KCNMA1: variants seen among roughly 807,000 people sequenced by gnomAD.
KCNMA1 encodes the protein potassium calcium-activated channel subfamily M alpha 1, also known as Calcium-activated potassium channel subunit alpha-1.
KCNMA1 carries 29 observed loss-of-function variants against 140.0 expected under a neutral mutation model. The observed-to-expected ratio is 0.21, with a 90% confidence interval of 0.15 to 0.28. KCNMA1 has a LOEUF of 0.28. Ranked by LOEUF, KCNMA1 falls within the 10% of genes least tolerant of loss-of-function variation. The probability of loss-of-function intolerance (pLI) is 1.00; values close to 1 mark genes in which losing one functional copy is unlikely to be tolerated. For missense variants in KCNMA1, 880 were observed against 1,602.2 expected, an observed-to-expected ratio of 0.55 and a Z score of 7.70; for synonymous variants, 612 against 611.9, an observed-to-expected ratio of 1.00 and a Z score of 0.00.
chr10:77,390,667 G>A (rs1243934242), intron 2 of KCNMA1, among the ~76,000 whole-genome samples: 2 of 152,164 alleles, frequency 1.3e-5, no homozygotes, highest in African/African-American at 4.8e-5. Flanking sequence ...TCCAACCAAG[G>A]CAGACACAAC....
At chr10:77,454,306 GC>G (rs1234953505) in intron 1 of KCNMA1, among the ~76,000 whole-genome samples, 1 of 152,080 alleles carries the variant, frequency 6.6e-6, no homozygotes, top group Non-Finnish European at 1.5e-5. Context: ...ATTTCAAAGT[GC>G]CTCTCTAGCT....
chr10:77,022,930 C>A (rs750841377), intron 16 of KCNMA1: 2 of 454,936 alleles, frequency 4.4e-6, no homozygotes, highest in African/African-American at 4.0e-5. Flanking sequence ...ATGTAAACAG[C>A]CTGCCACTTG....
intron 1 of KCNMA1, among the ~76,000 whole-genome samples, chr10:77,475,446 G>C (rs1397035934): frequency 1.3e-5 from 2 of 152,156 alleles, no homozygotes; most frequent in African/African-American, 4.8e-5. Flanking sequence ...ATCGTAACTT[G>C]CATCTCCCAA....
intron 2 of KCNMA1, among the ~76,000 whole-genome samples, chr10:77,364,709 G>T (rs2154403905): frequency 6.6e-6 from 1 of 152,232 alleles, no homozygotes; most frequent in East Asian, 1.9e-4. Flanking sequence ...AACCTGAGTG[G>T]CCAGGCCTGA....
At chr10:77,199,553 T>C (rs534444811) in intron 3 of KCNMA1, among the ~76,000 whole-genome samples, 73 of 152,320 alleles carry the variant, frequency 4.8e-4, no homozygotes, top group African/African-American at 1.8e-3. Context: ...AACTGCTTTG[T>C]TAGTGGCCAG....
Position 76,886,905 on chromosome 10 carries a change from T to C in KCNMA1, c.*361A>G, listed in dbSNP as rs1363115761. 1 of 1,130,856 alleles carries C rather than the reference T, an allele frequency of 8.8e-7. No individual in the cohort carries two copies. Among genetic ancestry groups the C allele is most frequent in the Admixed American group, 4.4e-5 (1 of 22,530 alleles). 70.1% of individuals were successfully genotyped at this position (1,130,856 alleles called of 1,614,324 possible). On this transcript the variant is annotated 3_prime_UTR_variant, in exon 28 of 28. Transcript: ENST00000286628. ...ATAATCCTGATAAATCAGAATCAAC[T>C]TTTCTTTTACATTAAATAAACTTGC...
At chr10:77,016,125 A>T (rs903750454) in intron 17 of KCNMA1, among the ~76,000 whole-genome samples, 4 of 151,636 alleles carry the variant, frequency 2.6e-5, no homozygotes, top group African/African-American at 7.3e-5. Flanking sequence ...CCCTAGCCGC[A>T]CTTTCCTTCT....
chr10:76,941,014 G>GAAAGAAAGA (rs1565057589), intron 23 of KCNMA1, among the ~76,000 whole-genome samples: 23 of 28,138 alleles, frequency 8.2e-4, no homozygotes, highest in African/African-American at 3.1e-3. Flanking sequence ...AGGAAGGAAG[G>GAAAGAAAGA]AAGGAAGAAA....
At chr10:77,194,310 T>A (rs899263401) in intron 3 of KCNMA1, among the ~76,000 whole-genome samples, 1 of 152,162 alleles carries the variant, frequency 6.6e-6, no homozygotes, top group African/African-American at 2.4e-5. Context: ...CTGTGGGACT[T>A]CTTTGGGCTG....
At position 77,094,427 on chromosome 10, in the gene KCNMA1, G is replaced by C. The variant is rs115260269; in HGVS notation, c.1224-3917C>G. The stretch of plus-strand genomic sequence containing the variant: ...AAATGGACCCACAGAGGTCCTCCTG[G>C]ATACATGGTGGAGGGGGTGTTGGAG... On this transcript the variant is annotated intron_variant, in intron 9 of 27. Transcript: ENST00000286628. Among the ~76,000 whole-genome samples, 562 of 152,238 alleles carry C rather than the reference G, an allele frequency of 3.7e-3. 5 individuals are homozygous for C. The highest frequency in any genetic ancestry group is 0.013 in the African/African-American group (538 of 41,550).
At chr10:76,910,467 G>A in intron 24 of KCNMA1, 1 of 325,962 alleles carries the variant, frequency 3.1e-6, no homozygotes, top group Non-Finnish European at 6.0e-6. Flanking sequence ...TTTCAATGAT[G>A]AGCAGCCATG....
intron 1 of KCNMA1, among the ~76,000 whole-genome samples, chr10:77,414,779 C>A (rs2154479520): frequency 6.6e-6 from 1 of 152,276 alleles, no homozygotes; most frequent in South Asian, 2.1e-4. Context: ...CGTGAGCCAC[C>A]ACGCCTGGCT....
At chr10:77,275,264 C>T (rs1422969036) in intron 2 of KCNMA1, among the ~76,000 whole-genome samples, 1 of 152,074 alleles carries the variant, frequency 6.6e-6, no homozygotes, top group African/African-American at 2.4e-5. Context: ...CTCCAGTTTG[C>T]CTGGAGGTTT....
chr10:77,326,984 G>C (rs1002886160), intron 2 of KCNMA1, among the ~76,000 whole-genome samples: 2 of 152,004 alleles, frequency 1.3e-5, no homozygotes, highest in African/African-American at 4.8e-5. Context: ...CAAAATGCAA[G>C]CACACCATGG....
chr10:77,098,069 G>C (rs971746436), intron 9 of KCNMA1, among the ~76,000 whole-genome samples: 1 of 152,202 alleles, frequency 6.6e-6, no homozygotes, highest in Non-Finnish European at 1.5e-5. Context: ...AGCTACCCTA[G>C]AGGGATCTGT....
At chr10:77,251,054 C>G (rs904927689) in intron 3 of KCNMA1, 141 bp downstream of exon 3, 6 of 725,052 alleles carry the variant, frequency 8.3e-6, no homozygotes, top group East Asian at 8.0e-5. Context: ...AAAATCAGTA[C>G]AGTACAGCAC....
chr10:76,909,942 G>A, intron 25 of KCNMA1, 24 bp downstream of exon 25: 1 of 1,611,186 alleles, frequency 6.2e-7, no homozygotes, highest in Non-Finnish European at 8.5e-7. Context: ...CCTTGAGTGA[G>A]GAGGAGGGAA....
intron 25 of KCNMA1, among the ~76,000 whole-genome samples, chr10:76,906,255 A>C (rs1017757538): frequency 5.5e-4 from 84 of 152,222 alleles, no homozygotes; most frequent in African/African-American, 1.9e-3. Context: ...TGTGAGTCTC[A>C]TCCCTAAAAA....
chr10:76,934,581 C>A (rs1591187087), intron 23 of KCNMA1, among the ~76,000 whole-genome samples: 1 of 152,244 alleles, frequency 6.6e-6, no homozygotes, highest in Non-Finnish European at 1.5e-5. Context: ...TGTTTCTGTC[C>A]CTTTTGCCTG....
Sources: gnomAD v4.1 joint callset for allele counts (sites outside exome capture counted in the v4.1 genomes callset) on GRCh38, gnomAD v4.1.1 for gene constraint, MANE v1.5 for transcripts, NCBI Gene and HGNC (gene_info 2026-07-23, HGNC 2026-07-21) for gene names.